Variants in PHKG2 observed in about 807,000 individuals in gnomAD.
PHKG2 encodes the protein phosphorylase b kinase gamma catalytic chain, liver/testis isoform.
Under a neutral mutation model 44.5 loss-of-function variants are expected in PHKG2, and 28 were observed. The observed-to-expected ratio is 0.63, with a 90% CI of 0.47 to 0.86. The LOEUF (loss-of-function observed/expected upper bound fraction) is 0.86, where lower values mean the gene tolerates loss of function less well. Ranked by LOEUF, PHKG2 falls within the 40% of genes least tolerant of loss-of-function variation. The pLI, the probability that PHKG2 is intolerant of heterozygous loss-of-function variation, is 0.00. For synonymous variants in PHKG2, 220 were observed against 211.2 expected (o/e 1.04, Z -0.36); for missense variants, 498 against 547.5 (o/e 0.91, Z 0.90).
chr16:30,751,594 T>A lies in PHKG2; in HGVS notation c.317T>A (p.Val106Glu), dbSNP rs137853589. 6.2e-7 allele frequency: 1 copy of A among 1,613,388 alleles called. No individual in the cohort carries two copies. Among genetic ancestry groups the A allele is most frequent in the South Asian group, 1.1e-5 (1 of 91,074 alleles). Reference protein sequence around the residue: ...SYESSSFMFLVFDLMRKGELF... With the variant: ...SYESSSFMFLEFDLMRKGELF... The stretch of plus-strand genomic sequence containing the variant: ...GAGTCTTCTAGCTTCATGTTCCTGG[T>A]GTTTGACCTGTGAGTATCTCCCTGC... Residue 106 changes from valine (V) to glutamate (E), a missense_variant, in exon 4 of 10, where the codon GTG becomes GAG. Physicochemically the swap from Val to Glu is moderately radical, Grantham distance 121. Coordinates refer to ENST00000563588, the MANE Select transcript of PHKG2 (RefSeq NM_000294.3).
chr16:30,754,491 C>T (rs903838407), intron 6 of PHKG2, among the ~76,000 whole-genome samples: 1 of 152,092 alleles, frequency 6.6e-6, no homozygotes, highest in Non-Finnish European at 1.5e-5. Flanking sequence ...TGGCTTATTC[C>T]CCTAAATCCT....
intron 6 of PHKG2, among the ~76,000 whole-genome samples, chr16:30,755,501 C>T (rs1329088965): frequency 1.3e-5 from 2 of 151,568 alleles, no homozygotes; most frequent in Non-Finnish European, 2.9e-5. Context: ...ACGGTGAAAG[C>T]CTGTCTCTAC....
intron 2 of PHKG2, among the ~76,000 whole-genome samples, chr16:30,749,340 TTTTG>T (rs771641946): frequency 1.2e-3 from 179 of 151,918 alleles, no homozygotes; most frequent in Non-Finnish European, 1.5e-3. Flanking sequence ...GGATAGTTGG[TTTTG>T]TTTGTTTGTT....
Position 30,759,171 on chromosome 16 carries a change from C to G in PHKG2, c.*2074C>G, listed in dbSNP as rs1296400598. On this transcript the variant is annotated 3_prime_UTR_variant, in exon 10 of 10. Transcript: ENST00000563588. ...CAGCCCAGCCCTGCCCTGGCACTCT[C>G]CCTTACCCGTCTCACTCTCTGGCCA... The G allele has an allele frequency of 1.2e-6, 2 of 1,614,228 alleles. No homozygotes were observed. Among genetic ancestry groups the G allele is most frequent in the Non-Finnish European group, 1.7e-6 (2 of 1,180,048 alleles).
At chr16:30,754,873 A>G (rs1445584446) in intron 6 of PHKG2, 1 of 456,062 alleles carries the variant, frequency 2.2e-6, no homozygotes, top group Non-Finnish European at 4.4e-6. Context: ...ACTTGCCTTC[A>G]GGTAGACAGT....
Position 30,749,194 on chromosome 16 carries a change from TGCTGGTGGTG to T in PHKG2, c.95+281_95+290del, listed in dbSNP as rs1459014516. Among the ~76,000 whole-genome samples the T allele has an allele frequency of 9.8e-4, 91 of 92,826 alleles. 8 individuals are homozygous for T. Among genetic ancestry groups the T allele is most frequent in the East Asian group, 2.8e-3 (9 of 3,252 alleles). The allele number at this position is 92,826 out of a possible 152,430, so 60.9% of individuals were successfully genotyped here. A position where few individuals can be genotyped will look rare whatever the true frequency, so the allele number is the denominator to read the frequency against. Reference sequence around the variant, plus strand: ...GTGCTGGTGGTGGTGCTGGTGGTGGTGCTGGTGGTGGTGTGTGTGTGTGTGTGTGTCTTTC... The same window carrying T: ...GTGCTGGTGGTGGTGCTGGTGGTGGTGTGTGTGTGTGTGTGTGTGTCTTTC... On this transcript the variant is annotated intron_variant, in intron 2 of 9. Coordinates refer to ENST00000563588, the MANE Select transcript of PHKG2 (RefSeq NM_000294.3).
At position 30,760,675 on chromosome 16, in the gene PHKG2, T is replaced by C. The variant is rs756999045; in HGVS notation, c.*3578T>C. 1.3e-5 allele frequency: 20 copies of C among 1,524,002 alleles called. No individual in the cohort carries two copies. Among genetic ancestry groups the C allele is most frequent in the African/African-American group, 1.8e-5 (1 of 54,898 alleles). The allele number at this position is 1,524,002 out of a possible 1,614,324, so 94.4% of individuals were successfully genotyped here. A position where few individuals can be genotyped will look rare whatever the true frequency, so the allele number is the denominator to read the frequency against. ...ATGGACGTCCAGGTACTTCCTGTTA[T>C]AGTAAAAGAAAAAGAGTATTGGTGG... On this transcript the variant is annotated 3_prime_UTR_variant, in exon 10 of 10. Transcript: ENST00000563588.
At chr16:30,750,668 G>A (rs2053332135) in intron 2 of PHKG2, among the ~76,000 whole-genome samples, 1 of 152,184 alleles carries the variant, frequency 6.6e-6, no homozygotes, top group Non-Finnish European at 1.5e-5. Flanking sequence ...TTCAGCTTTG[G>A]TCTTCTAGTC....
At chr16:30,753,032 A>G (rs952757979) in intron 4 of PHKG2, 200 bp from the exon 5 acceptor site, 4 of 581,744 alleles carry the variant, frequency 6.9e-6, no homozygotes, top group Non-Finnish European at 1.3e-5. Flanking sequence ...TTGCCCCATC[A>G]TGGCATAATG....
At position 30,759,260 on chromosome 16, in the gene PHKG2, G is replaced by A; in HGVS notation, c.*2163G>A. On this transcript the variant is annotated 3_prime_UTR_variant, in exon 10 of 10. Transcript: ENST00000563588. ...GATCCAGCCGCACCTGGGAAGCAAG[G>A]CAGAGGGAGGCTGAAAGGAGTGCAC... 1 of 1,614,106 alleles carries A rather than the reference G, an allele frequency of 6.2e-7. No homozygotes were observed. The highest frequency in any genetic ancestry group is 8.5e-7 in the Non-Finnish European group (1 of 1,179,976).
Position 30,760,304 on chromosome 16 carries a change from T to A in PHKG2, c.*3207T>A. The A allele has an allele frequency of 6.2e-7, 1 of 1,614,198 alleles. No homozygotes were observed. Among genetic ancestry groups the A allele is most frequent in the Non-Finnish European group, 8.5e-7 (1 of 1,180,042 alleles). On this transcript the variant is annotated 3_prime_UTR_variant, in exon 10 of 10. Coordinates refer to ENST00000563588, the MANE Select transcript of PHKG2 (RefSeq NM_000294.3). ...CTCACCAATACAAGCCTTGTGAAGA[T>A]CCTGGAGCAGGGCACAAGCCGCTGA...
chr16:30,756,856 G>A lies in PHKG2; in HGVS notation c.980G>A (p.Arg327His), dbSNP rs771905827. 8.7e-6 allele frequency: 14 copies of A among 1,614,030 alleles called. No individual in the cohort carries two copies. The Middle Eastern group carries it at 1.2e-3, about 133-fold the overall frequency. The change falls in exon 10 of 10, where the codon CGT becomes CAT. Residue 327 changes from arginine (R) to histidine (H), a missense_variant. Physicochemically the swap from Arg to His is conservative, Grantham distance 29 (BLOSUM62 0). Transcript: ENST00000563588. The stretch of plus-strand genomic sequence containing the variant: ...GGACGAGTGGCCCTAAGCACCCATC[G>A]TGTACGGCCACTGACCAAGAATGCA... Reference protein sequence around the residue: ...AAGRVALSTHRVRPLTKNALL... With the variant: ...AAGRVALSTHHVRPLTKNALL...
Position 30,760,579 on chromosome 16 carries a change from T to A in PHKG2, c.*3482T>A. On this transcript the variant is annotated 3_prime_UTR_variant, in exon 10 of 10. Coordinates refer to ENST00000563588, the MANE Select transcript of PHKG2 (RefSeq NM_000294.3). ...TGACCCCTCAGCCTTTGCCAAGAGC[T>A]CTTCCCACGCCCCCCTCAGTCCCTA... 2 of 1,565,962 alleles carry A rather than the reference T, an allele frequency of 1.3e-6. No homozygotes were observed. The highest frequency in any genetic ancestry group is 1.7e-6 in the Non-Finnish European group (2 of 1,154,696).
Position 30,757,297 on chromosome 16 carries a change from GCCA to G in PHKG2, c.*202_*204del. ...GGGGTGGAAGGGAGCCATTCTGAACGCCACGCCTGGCCCGGTCAGTGCTGCATG... is the reference window on the plus strand; with the variant it reads ...GGGGTGGAAGGGAGCCATTCTGAACGCGCCTGGCCCGGTCAGTGCTGCATG... On this transcript the variant is annotated 3_prime_UTR_variant, in exon 10 of 10. Coordinates refer to ENST00000563588, the MANE Select transcript of PHKG2 (RefSeq NM_000294.3). 6.5e-7 allele frequency: 1 copy of G among 1,535,744 alleles called. No homozygotes were observed. Among genetic ancestry groups the G allele is most frequent in the Non-Finnish European group, 8.7e-7 (1 of 1,149,380 alleles).
intron 2 of PHKG2, among the ~76,000 whole-genome samples, chr16:30,750,637 G>C (rs189725220): frequency 4.0e-4 from 61 of 152,294 alleles, no homozygotes; most frequent in African/African-American, 1.5e-3. Context: ...GCAAATCTGG[G>C]GTCTGCACTA....
intron 2 of PHKG2, among the ~76,000 whole-genome samples, chr16:30,749,971 G>C (rs892214243): frequency 2.0e-5 from 3 of 152,022 alleles, no homozygotes; most frequent in Non-Finnish European, 4.4e-5. Context: ...GTTCAGGGGG[G>C]GGTCTTTAAA....
intron 4 of PHKG2, among the ~76,000 whole-genome samples, chr16:30,752,071 C>T (rs1596681579): frequency 6.8e-6 from 1 of 148,108 alleles, no homozygotes; most frequent in Non-Finnish European, 1.5e-5. Flanking sequence ...CCAGCGTGGG[C>T]GACAGAGTGA....
chr16:30,758,746 G>T lies in PHKG2; in HGVS notation c.*1649G>T, dbSNP rs1175544849. 1 of 497,000 alleles carries T rather than the reference G, an allele frequency of 2.0e-6. No individual in the cohort carries two copies. The highest frequency in any genetic ancestry group is 3.6e-6 in the Non-Finnish European group (1 of 279,180). The allele number at this position is 497,000 out of a possible 1,614,324, so 30.8% of individuals were successfully genotyped here. A position where few individuals can be genotyped will look rare whatever the true frequency, so the allele number is the denominator to read the frequency against. On this transcript the variant is annotated 3_prime_UTR_variant, in exon 10 of 10. Transcript: ENST00000563588. ...ATTTTTTGTATTTTAGTAGATAGGG[G>T]GTTTCACGGTGTTGCCCAGGCTGGT...
At chr16:30,754,918 G>C (rs1416435193) in intron 6 of PHKG2, 1 of 455,558 alleles carries the variant, frequency 2.2e-6, no homozygotes, top group South Asian at 1.6e-5. Context: ...TTGCCACTTG[G>C]CAAATCAGTG....
Sources: allele counts gnomAD v4.1 joint callset (sites outside exome capture counted in the v4.1 genomes callset), GRCh38; gene constraint gnomAD v4.1.1; transcripts MANE v1.5; gene names NCBI Gene and HGNC (gene_info 2026-07-23, HGNC 2026-07-21).